The following PRKCE variants were observed in gnomAD, a reference collection of about 807,000 sequenced individuals.
The protein encoded by PRKCE is protein kinase C epsilon type.
PRKCE carries 16 observed loss-of-function variants against 85.4 expected under a neutral mutation model. That is an observed-to-expected ratio of 0.19 (90% CI 0.13 to 0.28). The LOEUF (loss-of-function observed/expected upper bound fraction) is 0.28, where lower values mean the gene tolerates loss of function less well. PRKCE is among the 10% of genes least tolerant of loss of function. The pLI is 1.00. For synonymous variants in PRKCE, 388 were observed against 371.5 expected (o/e 1.04, Z -0.51); for missense variants, 573 against 975.2 (o/e 0.59, Z 5.49).
Position 46,085,736 on chromosome 2 carries a change from G to GTTTTT in PRKCE, c.1438-464_1438-460dup, listed in dbSNP as rs1170933914. ...TCACTTAATTACATCTGCAAAATCC[G>GTTTTT]TTTTTTTTTTTTGTTTTTGTTTTTT... On this transcript the variant is annotated intron_variant, in intron 10 of 14. Transcript: ENST00000306156. Among the ~76,000 whole-genome samples, 169 of 104,558 alleles carry GTTTTT rather than the reference G, an allele frequency of 1.6e-3. 28 individuals are homozygous for GTTTTT. Among genetic ancestry groups the GTTTTT allele is most frequent in the East Asian group, 7.9e-3 (24 of 3,022 alleles). 68.6% of individuals were successfully genotyped at this position (104,558 alleles called of 152,430 possible).
intron 1 of PRKCE, among the ~76,000 whole-genome samples, chr2:45,771,087 C>T (rs1260856310): frequency 6.6e-6 from 1 of 152,050 alleles, no homozygotes; most frequent in Non-Finnish European, 1.5e-5. Context: ...GATGAGGGTC[C>T]CCCAGTGTTT....
At chr2:46,090,516 A>G (rs1670065804) in intron 11 of PRKCE, among the ~76,000 whole-genome samples, 1 of 152,186 alleles carries the variant, frequency 6.6e-6, no homozygotes, top group Admixed American at 6.5e-5. Flanking sequence ...CTGGCAGTAG[A>G]TGATCAATAA....
intron 1 of PRKCE, chr2:45,677,987 C>A: frequency 2.6e-6 from 2 of 777,978 alleles, no homozygotes; most frequent in Non-Finnish European, 3.1e-6. Context: ...CTTGATTTTA[C>A]ATGGAGCTGA....
At chr2:45,701,918 C>T (rs977725646) in intron 1 of PRKCE, among the ~76,000 whole-genome samples, 12 of 152,096 alleles carry the variant, frequency 7.9e-5, no homozygotes, top group Middle Eastern at 3.2e-3. Context: ...ATGGGCCAGG[C>T]GCGGTGGCTC....
chr2:45,739,893 C>T (rs1487550073), intron 1 of PRKCE, among the ~76,000 whole-genome samples: 1 of 152,176 alleles, frequency 6.6e-6, no homozygotes, highest in Non-Finnish European at 1.5e-5. Context: ...CTCTTTAGGC[C>T]TGTTTGACAA....
chr2:45,874,139 T>C (rs1573701628), intron 2 of PRKCE, among the ~76,000 whole-genome samples: 1 of 152,370 alleles, frequency 6.6e-6, no homozygotes, highest in Non-Finnish European at 1.5e-5. Context: ...AGTCACACCA[T>C]GTAGGTAACT....
Position 46,174,207 on chromosome 2 carries a change from G to A in PRKCE, c.2068-10528G>A, listed in dbSNP as rs573470693. On this transcript the variant is annotated intron_variant, in intron 14 of 14. Coordinates refer to ENST00000306156, the MANE Select transcript of PRKCE (RefSeq NM_005400.3). ...TGAGGCTTGGGCAGCTTGTCCCTACGACTACAGGGGCCACCTAGCTGCCAG... is the reference window on the plus strand; with the variant it reads ...TGAGGCTTGGGCAGCTTGTCCCTACAACTACAGGGGCCACCTAGCTGCCAG... 4.6e-5 allele frequency among the ~76,000 whole-genome samples: 7 copies of A among 152,348 alleles called. No homozygotes were observed. The South Asian group carries it at 6.2e-4, about 14-fold the overall frequency.
chr2:46,030,702 T>C (rs559015337), intron 10 of PRKCE, among the ~76,000 whole-genome samples: 1 of 152,318 alleles, frequency 6.6e-6, no homozygotes, highest in South Asian at 2.1e-4. Context: ...CTGTAGCAAC[T>C]TGTAATTATG....
At chr2:45,823,962 C>T (rs113313571) in intron 1 of PRKCE, among the ~76,000 whole-genome samples, 1 of 152,246 alleles carries the variant, frequency 6.6e-6, no homozygotes, top group Non-Finnish European at 1.5e-5. Context: ...ATTGCACTCA[C>T]AGGATGTGCT....
chr2:45,817,165 G>C (rs1007829312), intron 1 of PRKCE, among the ~76,000 whole-genome samples: 1 of 151,230 alleles, frequency 6.6e-6, no homozygotes, highest in African/African-American at 2.4e-5. Context: ...ACGCTTTGCA[G>C]CCCTGCCTGC....
intron 11 of PRKCE, among the ~76,000 whole-genome samples, chr2:46,091,043 CCAAA>C (rs1227520605): frequency 1.3e-5 from 2 of 152,190 alleles, no homozygotes; most frequent in African/African-American, 2.4e-5. Flanking sequence ...GAAAGAGAGC[CCAAA>C]CAGATAGACA....
chr2:45,936,832 C>T (rs142864485), intron 2 of PRKCE, among the ~76,000 whole-genome samples: 83 of 152,266 alleles, frequency 5.5e-4, no homozygotes, highest in African/African-American at 1.9e-3. Flanking sequence ...AGACTTCCTC[C>T]AATCCACAAC....
intron 1 of PRKCE, chr2:45,701,552 T>C (rs944135344): frequency 2.6e-5 from 4 of 152,184 alleles, no homozygotes; most frequent in Non-Finnish European, 5.9e-5. Context: ...AGATTCTTCT[T>C]TGAGGGCAGT....
rs1256256890 is a variant in PRKCE at position 45,786,936 on chromosome 2, G to A, written c.349-56064G>A. Among the ~76,000 whole-genome samples, 1 of 152,234 alleles carries A rather than the reference G, an allele frequency of 6.6e-6. No homozygotes were observed. The highest frequency in any genetic ancestry group is 1.5e-5 in the Non-Finnish European group (1 of 68,044). ...GAACCTCACTGTTAACCAGGAAGCTGGTGTTTCTCAAACTCGCCTGGTGAG... is the reference window on the plus strand; with the variant it reads ...GAACCTCACTGTTAACCAGGAAGCTAGTGTTTCTCAAACTCGCCTGGTGAG... On this transcript the variant is annotated intron_variant, in intron 1 of 14. Coordinates refer to ENST00000306156, the MANE Select transcript of PRKCE (RefSeq NM_005400.3). This position sits in a 1 kb window ranked among gnomAD's most constrained non-coding sequence, Gnocchi z 5.3.
chr2:45,710,600 G>A (rs1045485468), intron 1 of PRKCE, among the ~76,000 whole-genome samples: 1 of 152,238 alleles, frequency 6.6e-6, no homozygotes, highest in African/African-American at 2.4e-5. Context: ...CCCAGGCCAG[G>A]ATTCCCAGTC....
intron 11 of PRKCE, among the ~76,000 whole-genome samples, chr2:46,115,376 G>C (rs1302612368): frequency 1.3e-5 from 2 of 152,120 alleles, no homozygotes; most frequent in Non-Finnish European, 2.9e-5. Context: ...TTTGTACAAA[G>C]AGAAGCACAT....
intron 1 of PRKCE, among the ~76,000 whole-genome samples, chr2:45,748,274 G>A (rs1380454611): frequency 6.6e-6 from 1 of 152,220 alleles, no homozygotes; most frequent in Non-Finnish European, 1.5e-5. Flanking sequence ...TTGCAGGTGA[G>A]GAAATTGAGG....
At chr2:46,096,096 T>C (rs1218755750) in intron 11 of PRKCE, among the ~76,000 whole-genome samples, 2 of 152,204 alleles carry the variant, frequency 1.3e-5, no homozygotes, top group Non-Finnish European at 2.9e-5. Context: ...GGAAGCAACA[T>C]TGTATGTTGG....
intron 1 of PRKCE, among the ~76,000 whole-genome samples, chr2:45,836,793 A>G (rs190701212): frequency 1.6e-3 from 243 of 152,284 alleles, no homozygotes; most frequent in Non-Finnish European, 2.2e-3. Flanking sequence ...CTAGGACCTT[A>G]CTGGTGGAAC....
Sources: gnomAD v4.1 joint callset for allele counts (sites outside exome capture counted in the v4.1 genomes callset) on GRCh38, gnomAD v4.1.1 for gene constraint, Gnocchi (gnomAD v3.1) non-coding constraint, MANE v1.5 for transcripts, NCBI Gene and HGNC (gene_info 2026-07-23, HGNC 2026-07-21) for gene names.